The following PNPLA6 variants were observed in gnomAD, a reference collection of about 807,000 sequenced individuals.
PNPLA6 encodes patatin like domain 6, lysophospholipase.
A neutral mutation model predicts 153.7 loss-of-function variants in PNPLA6; 105 were observed. The ratio of observed to expected loss-of-function variants is 0.68; its 90% CI spans 0.58 to 0.80. The LOEUF is 0.80. PNPLA6 is among the 30% of genes least tolerant of loss of function. The probability of loss-of-function intolerance (pLI) is 0.00; values close to 1 mark genes in which losing one functional copy is unlikely to be tolerated. For synonymous variants in PNPLA6, 825 were observed against 822.2 expected, an observed-to-expected ratio of 1.00 and a Z score of -0.06; for missense variants, 1,423 against 1,919.3, an observed-to-expected ratio of 0.74 and a Z score of 4.83.
At chr19:7,558,725 T>G in intron 27 of PNPLA6, 125 bp from the exon 28 acceptor site, 1 of 676,824 alleles carries the variant, frequency 1.5e-6, no homozygotes, top group Non-Finnish European at 2.5e-6. Flanking sequence ...GGTGTTTGCA[T>G]GTGTGGGTAT....
chr19:7,540,981 T>C lies in PNPLA6; in HGVS notation c.854T>C (p.Leu285Pro), dbSNP rs1209232493. 3 of 1,610,090 alleles carry C rather than the reference T, an allele frequency of 1.9e-6. No individual in the cohort carries two copies. Among genetic ancestry groups the C allele is most frequent in the Non-Finnish European group, 1.7e-6 (2 of 1,179,100 alleles). Residue 285 changes from leucine to proline, a missense_variant, in exon 7 of 32, where the codon CTG becomes CCG. Coordinates refer to ENST00000600737, the MANE Select transcript of PNPLA6 (RefSeq NM_001166114.2). This position sits in a 1 kb window ranked among gnomAD's most constrained non-coding sequence, Gnocchi z 6.8. ...CGGGCGGCCCGGGACTCCACGGTGC[T>C]GCGCCTGCCGGTGGAAGCATTCTCC... ...SARAARDSTV[L>P]RLPVEAFSAV... is the part of the protein sequence containing the mutation.
chr19:7,559,049 G>A lies in PNPLA6; in HGVS notation c.3597G>A (p.Val1199=). 6.2e-7 allele frequency: 1 copy of A among 1,614,182 alleles called. No individual in the cohort carries two copies. ...CCCGCCTGGCCTACGTGTCCTGTGT[G>A]CGGCAGCTAGAGGTTGTCAAGTCCA... The part of the protein sequence containing the change: ...IQSRLAYVSC[V]RQLEVVKSSS... The change falls in exon 28 of 32, where the codon GTG becomes GTA. Residue 1199 remains valine, a synonymous_variant. Coordinates refer to ENST00000600737, the MANE Select transcript of PNPLA6 (RefSeq NM_001166114.2).
At chr19:7,549,108 AT>A (rs992095124) in intron 13 of PNPLA6, among the ~76,000 whole-genome samples, 2 of 149,462 alleles carry the variant, frequency 1.3e-5, no homozygotes, top group Admixed American at 6.7e-5. Flanking sequence ...CGGCTAAAAA[AT>A]ATTTTTATAT....
chr19:7,559,311 A>G (rs560185333), intron 28 of PNPLA6, among the ~76,000 whole-genome samples, 160 bp downstream of exon 28: 55 of 152,264 alleles, frequency 3.6e-4, no homozygotes, highest in African/African-American at 1.3e-3. Flanking sequence ...TGATGTCTGC[A>G]GGGGATGTAG....
At chr19:7,539,617 C>T (rs966437167) in intron 3 of PNPLA6, among the ~76,000 whole-genome samples, 1 of 151,608 alleles carries the variant, frequency 6.6e-6, no homozygotes, top group Non-Finnish European at 1.5e-5. Context: ...ATTAGCTGGG[C>T]GTGGTGGCAC....
At position 7,554,561 on chromosome 19, in the gene PNPLA6, A is replaced by G; in HGVS notation, c.2472A>G (p.Gln824=). The G allele has an allele frequency of 6.2e-7, 1 of 1,614,062 alleles. No homozygotes were observed. Among genetic ancestry groups the G allele is most frequent in the East Asian group, 2.2e-5 (1 of 44,878 alleles). The change falls in exon 21 of 32, where the codon CAA becomes CAG. Residue 824 remains glutamine, a synonymous_variant. Coordinates refer to ENST00000600737, the MANE Select transcript of PNPLA6 (RefSeq NM_001166114.2). ...RLGASALDSI[Q]EFRLSGWLAQ... ...TGCCCCCTTCCCACCCTAGCATCCA[A>G]GAGTTCCGGCTGTCAGGGTGGCTGG...
intron 1 of PNPLA6, 78 bp from the exon 2 acceptor site, chr19:7,536,113 T>TACCGCGAACAGA: frequency 6.5e-7 from 1 of 1,549,828 alleles, no homozygotes; most frequent in Non-Finnish European, 8.9e-7. Context: ...TTTGCTGGCG[T>TACCGCGAACAGA]CTGTTCGCGG....
rs1245401993 is a variant in PNPLA6, at chr19:7,542,576, C to T, written c.1268C>T (p.Pro423Leu). Reference protein sequence around the residue: ...PGDISGLQGGPRSDFDMAYER... With the variant: ...PGDISGLQGGLRSDFDMAYER... ...CTGCCTGCAGGCTTGCAGGGTGGCC[C>T]CCGCTCCGACTTCGACATGGCCTAT... The change falls in exon 11 of 32, where the codon CCC (proline) becomes CTC (leucine). Residue 423 changes from proline (P) to leucine (L), a missense_variant. Physicochemically the swap from Pro to Leu is moderately conservative, Grantham distance 98. Around this residue, in one of 10 missense-constraint regions of PNPLA6, gnomAD observed 267 missense variants for 255.1 expected, o/e 1.05. Coordinates refer to ENST00000600737, the MANE Select transcript of PNPLA6 (RefSeq NM_001166114.2). 1.2e-6 allele frequency: 2 copies of T among 1,613,748 alleles called. No homozygotes were observed. The highest frequency in any genetic ancestry group is 1.6e-4 in the Middle Eastern group (1 of 6,062).
intron 2 of PNPLA6, 26 bp downstream of exon 2, chr19:7,536,299 C>T (rs1403206823): frequency 1.9e-6 from 3 of 1,566,382 alleles, no homozygotes; most frequent in East Asian, 2.2e-5. Context: ...CTGGGGTCCG[C>T]CCTGACCACA....
chr19:7,542,031 C>T lies in PNPLA6; in HGVS notation c.1216C>T (p.Leu406=). The part of the protein sequence containing the change: ...TSLETPSAPL[L]SRCVSMPGDI... The stretch of plus-strand genomic sequence containing the variant: ...CCTGGAAACCCCCTCGGCCCCTCTG[C>T]TGAGCCGCTGCGTCTCCATGCCAGG... Residue 406 remains leucine (L), a synonymous_variant, in exon 10 of 32, where the codon CTG becomes TTG. Transcript: ENST00000600737. The T allele has an allele frequency of 6.2e-7, 1 of 1,607,690 alleles. No homozygotes were observed.
chr19:7,561,043 T>C lies in PNPLA6; in HGVS notation c.3846T>C (p.Thr1282=). ...DVLAFPSSGF[T]DLAEIVSRIE... is the part of the protein sequence containing the mutation. ...TTGCCTTCCCAAGCTCTGGCTTCACTGACTTGGCAGAGATTGTGTCCCGGA... is the reference window on the plus strand; with the variant it reads ...TTGCCTTCCCAAGCTCTGGCTTCACCGACTTGGCAGAGATTGTGTCCCGGA... The change falls in exon 30 of 32, where the codon ACT becomes ACC. Residue 1282 remains threonine, a synonymous_variant. Transcript: ENST00000600737. The C allele has an allele frequency of 6.2e-7, 1 of 1,613,146 alleles. No individual in the cohort carries two copies. The highest frequency in any genetic ancestry group is 1.3e-5 in the African/African-American group (1 of 75,016).
In PNPLA6 at chr19:7,557,235, C is replaced by T; in HGVS notation, c.3348C>T (p.Pro1116=). 6.2e-7 allele frequency: 1 copy of T among 1,613,600 alleles called. No individual in the cohort carries two copies. Among genetic ancestry groups the T allele is most frequent in the East Asian group, 2.2e-5 (1 of 44,872 alleles). Residue 1116 remains proline (P), a synonymous_variant, in exon 27 of 32, where the codon CCC becomes CCT. Transcript: ENST00000600737. ...GCTACCTGCCCCCGCTGTGCGACCC[C>T]AAGGACGGGCACCTACTCATGGATG... The part of the protein sequence containing the change: ...LSGYLPPLCD[P]KDGHLLMDGG...
chr19:7,559,047 G>A lies in PNPLA6; in HGVS notation c.3595G>A (p.Val1199Met), dbSNP rs2146116747. The A allele has an allele frequency of 6.2e-7, 1 of 1,614,240 alleles. No individual in the cohort carries two copies. The highest frequency in any genetic ancestry group is 8.5e-7 in the Non-Finnish European group (1 of 1,180,034). Residue 1199 changes from valine to methionine, a missense_variant, in exon 28 of 32, where the codon GTG becomes ATG. Physicochemically the swap from Val to Met is conservative, Grantham distance 21 (BLOSUM62 1). Transcript: ENST00000600737. The part of the protein sequence containing the change: ...IQSRLAYVSC[V>M]RQLEVVKSSS... Reference sequence around the variant, plus strand: ...GTCCCGCCTGGCCTACGTGTCCTGTGTGCGGCAGCTAGAGGTTGTCAAGTC... The same window carrying A: ...GTCCCGCCTGGCCTACGTGTCCTGTATGCGGCAGCTAGAGGTTGTCAAGTC...
At position 7,553,869 on chromosome 19, in the gene PNPLA6, TAGC is replaced by T; in HGVS notation, c.2261-3_2261-1del. The T allele has an allele frequency of 3.7e-6, 6 of 1,614,244 alleles. No homozygotes were observed. The highest frequency in any genetic ancestry group is 1.1e-5 in the South Asian group (1 of 91,088). On this transcript the variant is annotated splice_region_variant and splice_polypyrimidine_tract_variant and intron_variant, in intron 18 of 31. Transcript: ENST00000600737. The stretch of plus-strand genomic sequence containing the variant: ...CCACAAATCTCATCCATTGGGTTCT[TAGC>T]AGGCTCTGGGTTGGGTGTGCCCCCA...
Position 7,555,428 on chromosome 19 carries a change from G to T in PNPLA6, c.2936+61G>T. ...GGATGTCCGAGGGTGGAGCTTCCTGGGAGAAACCGTGGGGGCGGGGCCTGG... is the reference window on the plus strand; with the variant it reads ...GGATGTCCGAGGGTGGAGCTTCCTGTGAGAAACCGTGGGGGCGGGGCCTGG... On this transcript the variant is annotated intron_variant, in intron 23 of 31. Transcript: ENST00000600737. This position sits in a 1 kb window ranked among gnomAD's most constrained non-coding sequence, Gnocchi z 6.3. 1 of 1,393,142 alleles carries T rather than the reference G, an allele frequency of 7.2e-7. No homozygotes were observed. Among genetic ancestry groups the T allele is most frequent in the Non-Finnish European group, 9.9e-7 (1 of 1,014,360 alleles). The allele number at this position is 1,393,142 out of a possible 1,614,324, so 86.3% of individuals were successfully genotyped here. A position where few individuals can be genotyped will look rare whatever the true frequency, so the allele number is the denominator to read the frequency against.
chr19:7,560,240 C>G (rs1465978316), intron 28 of PNPLA6, among the ~76,000 whole-genome samples: 1 of 151,874 alleles, frequency 6.6e-6, no homozygotes, highest in Non-Finnish European at 1.5e-5. Context: ...AGCCCTGAGT[C>G]TGAGAAGAGA....
In PNPLA6 at chr19:7,550,622, C is replaced by G; in HGVS notation, c.2052C>G (p.Arg684=). Residue 684 remains arginine (R), a synonymous_variant, in exon 16 of 32, where the codon CGC becomes CGG. Transcript: ENST00000600737. ...AGGAGCTGGTGGGCGAGTACGGCCG[C>G]GGCGACCTCATCGGCGTGGTGAGCG... ...GKKELVGEYG[R]GDLIGVVEAL... is the part of the protein sequence containing the mutation. 1.2e-6 allele frequency: 2 copies of G among 1,611,628 alleles called. No homozygotes were observed. The highest frequency in any genetic ancestry group is 1.7e-6 in the Non-Finnish European group (2 of 1,179,810).
Position 7,551,392 on chromosome 19 carries a change from C to T in PNPLA6, c.2215C>T (p.Gln739Ter), listed in dbSNP as rs768847027. The change falls in exon 18 of 32, where the codon CAG becomes TAG. Residue 739 changes from glutamine to a stop codon, truncating the protein, a stop_gained. Transcript: ENST00000600737. LOFTEE classifies it high-confidence loss of function. ...GACCCGCCTTATCCACCTACTGAGC[C>T]AGAAAATTCTAGGGAATTTGCAGCA... ...VVTRLIHLLS[Q>*]KILGNLQQLQ... 1.2e-6 allele frequency: 2 copies of T among 1,614,052 alleles called. No individual in the cohort carries two copies. Among genetic ancestry groups the T allele is most frequent in the South Asian group, 2.2e-5 (2 of 91,088 alleles).
Position 7,555,541 on chromosome 19 carries a change from A to G in PNPLA6, c.2937-66A>G. The G allele has an allele frequency of 6.5e-7, 1 of 1,548,388 alleles. No individual in the cohort carries two copies. Reference sequence around the variant, plus strand: ...CCTTAGCAGTGCGGGAGGTGGGAGGAGGTAGGGGCAGGGGAGTTCCTGCAG... The same window carrying G: ...CCTTAGCAGTGCGGGAGGTGGGAGGGGGTAGGGGCAGGGGAGTTCCTGCAG... On this transcript the variant is annotated intron_variant, in intron 23 of 31. Transcript: ENST00000600737. The surrounding 1 kb of genome is among the most constrained non-coding windows in gnomAD (Gnocchi z 6.3).
Sources: gnomAD v4.1 joint callset for allele counts (sites outside exome capture counted in the v4.1 genomes callset) on GRCh38, gnomAD v4.1.1 for gene constraint, gnomAD v4.1.1 regional missense constraint, Gnocchi (gnomAD v3.1) non-coding constraint, MANE v1.5 for transcripts, NCBI Gene and HGNC (gene_info 2026-07-23, HGNC 2026-07-21) for gene names.